COL9A2: variants seen among roughly 807,000 people sequenced by gnomAD.
COL9A2 encodes the protein collagen type IX alpha 2 chain, also known as collagen alpha-2(IX) chain.
A neutral mutation model predicts 111.6 loss-of-function variants in COL9A2; 66 were observed. The observed-to-expected ratio is 0.59, with a 90% CI of 0.48 to 0.73. The LOEUF is 0.73. Among genes scored for constraint, COL9A2 ranks in the 30% least tolerant of loss-of-function variants. COL9A2 has a pLI of 0.00. For synonymous variants in COL9A2, 353 were observed against 364.1 expected, an observed-to-expected ratio of 0.97 and a Z score of 0.35; for missense variants, 881 against 954.1, an observed-to-expected ratio of 0.92 and a Z score of 1.01.
intron 4 of COL9A2, among the ~76,000 whole-genome samples, chr1:40,313,121 A>T (rs1334725044): frequency 6.6e-6 from 1 of 152,150 alleles, no homozygotes; most frequent in East Asian, 1.9e-4. Flanking sequence ...CTACCTTGAC[A>T]ACTTTTTCAT....
rs745373699 is a variant in COL9A2, at chr1:40,311,690, G to A, written c.443C>T (p.Ser148Leu). Residue 148 changes from serine (S) to leucine (L), a missense_variant, in exon 9 of 32, where the codon TCG becomes TTG. By Grantham distance (145) the Ser-to-Leu change is moderately radical. Transcript: ENST00000372748. This position sits in a 1 kb window ranked among gnomAD's most constrained non-coding sequence, Gnocchi z 5.1. ...TTTCCCAGGGGGTCCTGGGGGCCCC[G>A]ATGGTCCATCTGGTCCAGGGTCCCC... is the stretch of plus-strand genomic sequence containing the variant. Reference protein sequence around the residue: ...PKGDPGPDGPSGPPGPPGKPG... With the variant: ...PKGDPGPDGPLGPPGPPGKPG... 5.4e-5 allele frequency: 87 copies of A among 1,613,864 alleles called. No homozygotes were observed. The highest frequency in any genetic ancestry group is 6.9e-5 in the Non-Finnish European group (81 of 1,179,978).
intron 20 of COL9A2, 123 bp from the exon 21 acceptor site, chr1:40,305,891 C>G (rs1488866620): frequency 1.4e-5 from 13 of 914,098 alleles, no homozygotes; most frequent in Non-Finnish European, 2.1e-5. Context: ...AGAGGGTATT[C>G]TTGGTTCAAT....
rs1339816117 is a variant in COL9A2 at position 40,311,366 on chromosome 1, C to T, written c.520-80G>A. On this transcript the variant is annotated intron_variant, in intron 10 of 31. Transcript: ENST00000372748. The surrounding 1 kb of genome is among the most constrained non-coding windows in gnomAD (Gnocchi z 5.1). ...TCTCTCCAAGCCCCGTGCTCTCCTC[C>T]GCCTCACCTGGTGGAACCCCTGCAC... The T allele has an allele frequency of 2.5e-6, 4 of 1,578,380 alleles. No homozygotes were observed. Among genetic ancestry groups the T allele is most frequent in the Non-Finnish European group, 2.6e-6 (3 of 1,157,578 alleles).
intron 20 of COL9A2, among the ~76,000 whole-genome samples, 153 bp downstream of exon 20, chr1:40,305,990 T>C (rs1644023658): frequency 6.6e-6 from 1 of 152,172 alleles, no homozygotes; most frequent in Admixed American, 6.5e-5. Context: ...GAGGAGTGCA[T>C]GATGGGTGGG....
Position 40,302,649 on chromosome 1 carries a change from C to CG in COL9A2, c.1763_1764insC (p.Gln590SerfsTer16). On this transcript the variant is annotated frameshift_variant, in exon 30 of 32. Transcript: ENST00000372748. LOFTEE classifies it high-confidence loss of function. The surrounding 1 kb of genome is among the most constrained non-coding windows in gnomAD (Gnocchi z 4.5). ...TGGGCCCCGTGTTGCCGATCTGACC[C>CG]ACGGCTCCCACGATGCCAGGAACGC... is the stretch of plus-strand genomic sequence containing the variant. 1 of 1,604,166 alleles carries CG rather than the reference C, an allele frequency of 6.2e-7. No homozygotes were observed. Among genetic ancestry groups the CG allele is most frequent in the South Asian group, 1.1e-5 (1 of 89,368 alleles).
Position 40,312,195 on chromosome 1 carries a change from C to A in COL9A2, c.364-83G>T. The stretch of plus-strand genomic sequence containing the variant: ...AAAGGTAGAGACAGGCACCCAAAGC[C>A]CGTTTCTCCACTTTTACTTTTTTTT... On this transcript the variant is annotated intron_variant, in intron 7 of 31. Coordinates refer to ENST00000372748, the MANE Select transcript of COL9A2 (RefSeq NM_001852.4). The surrounding 1 kb of genome is among the most constrained non-coding windows in gnomAD (Gnocchi z 6.0). 1 of 1,269,740 alleles carries A rather than the reference C, an allele frequency of 7.9e-7. No homozygotes were observed. Among genetic ancestry groups the A allele is most frequent in the Non-Finnish European group, 1.1e-6 (1 of 901,646 alleles). The allele number at this position is 1,269,740 out of a possible 1,614,324, so 78.7% of individuals were successfully genotyped here.
At position 40,301,909 on chromosome 1, in the gene COL9A2, T is replaced by C. The variant is rs775064718; in HGVS notation, c.1793-20A>G. ...GTTTTCCTGTAGACAAAAAAGGAAATCTTCATTTTTCAGAATTGGAAAATG... is the reference window on the plus strand; with the variant it reads ...GTTTTCCTGTAGACAAAAAAGGAAACCTTCATTTTTCAGAATTGGAAAATG... On this transcript the variant is annotated intron_variant, in intron 30 of 31. Transcript: ENST00000372748. 2 of 1,605,666 alleles carry C rather than the reference T, an allele frequency of 1.2e-6. No homozygotes were observed. The highest frequency in any genetic ancestry group is 2.2e-5 in the South Asian group (2 of 90,072).
chr1:40,308,357 C>G, intron 16 of COL9A2, 112 bp from the exon 17 acceptor site: 2 of 1,076,422 alleles, frequency 1.9e-6, no homozygotes, highest in Non-Finnish European at 2.8e-6. Context: ...GTTCCTCTGG[C>G]ACAGGCCACA....
rs1569748568 is a variant in COL9A2 at position 40,311,463 on chromosome 1, C to T, written c.519+37G>A. On this transcript the variant is annotated intron_variant, in intron 10 of 31. Transcript: ENST00000372748. The surrounding 1 kb of genome is among the most constrained non-coding windows in gnomAD (Gnocchi z 5.1). ...GCCTCCCCATCTCTGTGGCCCCGCC[C>T]CCCTGTGTTAGCCCCGCCCCAGACC... 1.3e-6 allele frequency: 2 copies of T among 1,594,422 alleles called. No homozygotes were observed. The highest frequency in any genetic ancestry group is 1.7e-6 in the Non-Finnish European group (2 of 1,162,694).
chr1:40,308,088 G>T, intron 17 of COL9A2, 104 bp downstream of exon 17: 1 of 1,156,088 alleles, frequency 8.6e-7, no homozygotes, highest in Non-Finnish European at 1.3e-6. Context: ...CAGCCCACCA[G>T]TTGCAGAGTT....
rs1445054309 is a variant in COL9A2, at chr1:40,308,237, T to C, written c.855A>G (p.Pro285=). 1 of 1,613,922 alleles carries C rather than the reference T, an allele frequency of 6.2e-7. No homozygotes were observed. Among genetic ancestry groups the C allele is most frequent in the African/African-American group, 1.3e-5 (1 of 74,924 alleles). The change falls in exon 17 of 32, where the codon CCA becomes CCG. Residue 285 remains proline (P), a synonymous_variant. Coordinates refer to ENST00000372748, the MANE Select transcript of COL9A2 (RefSeq NM_001852.4). ...RAGEKGDEGS[P]GIRGPQGITG... ...TGATCCCCTGGGGTCCACGAATACCTGGGCTGCCCTGCAAAGCGGAGAGAG... is the reference window on the plus strand; with the variant it reads ...TGATCCCCTGGGGTCCACGAATACCCGGGCTGCCCTGCAAAGCGGAGAGAG...
In COL9A2 at chr1:40,303,762, T is replaced by G. The variant is rs150127861; in HGVS notation, c.1401+45A>C. The stretch of plus-strand genomic sequence containing the variant: ...GGGGGGTGGGGGTCGAGGAAGGGAG[T>G]GGCCGCCCAGGAAAGTCGGAGAACG... On this transcript the variant is annotated intron_variant, in intron 27 of 31. Coordinates refer to ENST00000372748, the MANE Select transcript of COL9A2 (RefSeq NM_001852.4). This position sits in a 1 kb window ranked among gnomAD's most constrained non-coding sequence, Gnocchi z 4.6. 168 of 1,552,140 alleles carry G rather than the reference T, an allele frequency of 1.1e-4. 1 individual carries two copies. In the African/African-American group the frequency reaches 1.9e-3, roughly 18 times the overall value.
intron 16 of COL9A2, 136 bp from the exon 17 acceptor site, chr1:40,308,381 G>A (rs375239682): frequency 3.8e-5 from 34 of 888,138 alleles, no homozygotes; most frequent in African/African-American, 2.7e-4. Context: ...TGCAGGGGCC[G>A]GAGGAGAGAG....
In COL9A2 at chr1:40,304,138, C is replaced by G. The variant is rs760403004; in HGVS notation, c.1288-39G>C. 9.5e-5 allele frequency: 145 copies of G among 1,530,212 alleles called. No individual in the cohort carries two copies. The East Asian group carries it at 3.5e-3, about 37-fold the overall frequency. 94.8% of individuals were successfully genotyped at this position (1,530,212 alleles called of 1,614,324 possible). ...GCAGTGAGGGGTTTGGCGAGCTCCC[C>G]CCTCCACGGGGTCCCCCACCTAACT... On this transcript the variant is annotated intron_variant, in intron 24 of 31. Transcript: ENST00000372748.
At position 40,307,846 on chromosome 1, in the gene COL9A2, T is replaced by G; in HGVS notation, c.901-90A>C. The G allele has an allele frequency of 8.9e-6, 12 of 1,348,438 alleles. No homozygotes were observed. Among genetic ancestry groups the G allele is most frequent in the Non-Finnish European group, 1.3e-5 (12 of 948,218 alleles). The allele number at this position is 1,348,438 out of a possible 1,614,324, so 83.5% of individuals were successfully genotyped here. On this transcript the variant is annotated intron_variant, in intron 17 of 31. Coordinates refer to ENST00000372748, the MANE Select transcript of COL9A2 (RefSeq NM_001852.4). This position sits in a 1 kb window ranked among gnomAD's most constrained non-coding sequence, Gnocchi z 4.8. ...CCCTGTTCCTCTGAGACAGCTGCAG[T>G]GTGCAGGGAGGGAGTGGCTCTGGTC...
In COL9A2 at chr1:40,304,093, G is replaced by C. The variant is rs964741704; in HGVS notation, c.1294C>G (p.Pro432Ala). ...LPGVKGDKGS[P>A]GKTGPRGKVG... ...TTGCCGCGGGGCCCGGTCTTCCCTGGGGAGCCCTGGAGAAAGCGGGCAGTG... is the reference window on the plus strand; with the variant it reads ...TTGCCGCGGGGCCCGGTCTTCCCTGCGGAGCCCTGGAGAAAGCGGGCAGTG... The change falls in exon 25 of 32, where the codon CCA becomes GCA. Residue 432 changes from proline to alanine, a missense_variant. By Grantham distance (27) the Pro-to-Ala change is conservative. Transcript: ENST00000372748. 2 of 1,565,212 alleles carry C rather than the reference G, an allele frequency of 1.3e-6. No individual in the cohort carries two copies. The highest frequency in any genetic ancestry group is 2.7e-5 in the African/African-American group (2 of 74,148).
Position 40,310,238 on chromosome 1 carries a change from T to C in COL9A2, c.738+26A>G, listed in dbSNP as rs780655188. On this transcript the variant is annotated intron_variant, in intron 14 of 31. Coordinates refer to ENST00000372748, the MANE Select transcript of COL9A2 (RefSeq NM_001852.4). The surrounding 1 kb of genome is among the most constrained non-coding windows in gnomAD (Gnocchi z 4.9). Reference sequence around the variant, plus strand: ...CCAGAAGGCAGCTCCTGGAAGCTCTTGTAGAACACCCCAAGATTCACTTAC... The same window carrying C: ...CCAGAAGGCAGCTCCTGGAAGCTCTCGTAGAACACCCCAAGATTCACTTAC... 1 of 1,614,120 alleles carries C rather than the reference T, an allele frequency of 6.2e-7. No individual in the cohort carries two copies. The highest frequency in any genetic ancestry group is 8.5e-7 in the Non-Finnish European group (1 of 1,179,972).
rs551031800 is a variant in COL9A2, at chr1:40,311,888, T to C, written c.417+171A>G. On this transcript the variant is annotated intron_variant, in intron 8 of 31. Coordinates refer to ENST00000372748, the MANE Select transcript of COL9A2 (RefSeq NM_001852.4). This position sits in a 1 kb window ranked among gnomAD's most constrained non-coding sequence, Gnocchi z 5.1. Reference sequence around the variant, plus strand: ...TTGACAGGGGATGGGGCCAGCGGCGTCCCTAAAAGACCTAGTGCCGGGTGG... The same window carrying C: ...TTGACAGGGGATGGGGCCAGCGGCGCCCCTAAAAGACCTAGTGCCGGGTGG... Among the ~76,000 whole-genome samples the C allele has an allele frequency of 5.3e-5, 8 of 152,224 alleles. No individual in the cohort carries two copies. The highest frequency in any genetic ancestry group is 5.2e-4 in the Admixed American group (8 of 15,298).
In COL9A2 at chr1:40,310,181, G is replaced by A. The variant is rs1211305609; in HGVS notation, c.739-17C>T. On this transcript the variant is annotated splice_polypyrimidine_tract_variant and intron_variant, in intron 14 of 31. Coordinates refer to ENST00000372748, the MANE Select transcript of COL9A2 (RefSeq NM_001852.4). The surrounding 1 kb of genome is among the most constrained non-coding windows in gnomAD (Gnocchi z 4.9). Reference sequence around the variant, plus strand: ...ATGAGGGCCCTGGGGAGAGGAAAGGGTTGCAGGTCAGTCCTGGCTGAACTC... The same window carrying A: ...ATGAGGGCCCTGGGGAGAGGAAAGGATTGCAGGTCAGTCCTGGCTGAACTC... 3.1e-6 allele frequency: 5 copies of A among 1,614,142 alleles called. No individual in the cohort carries two copies. The highest frequency in any genetic ancestry group is 3.4e-6 in the Non-Finnish European group (4 of 1,180,000).
Sources: allele counts gnomAD v4.1 joint callset (sites outside exome capture counted in the v4.1 genomes callset), GRCh38; gene constraint gnomAD v4.1.1; non-coding constraint Gnocchi (gnomAD v3.1); transcripts MANE v1.5; gene names NCBI Gene and HGNC (gene_info 2026-07-23, HGNC 2026-07-21).